The following DAB1 variants were observed in gnomAD, a reference collection of about 807,000 sequenced individuals.
The protein encoded by DAB1 is disabled homolog 1.
A neutral mutation model predicts 64.6 loss-of-function variants in DAB1; 15 were observed. The observed-to-expected ratio is 0.23, with a 90% confidence interval of 0.16 to 0.36. The LOEUF (loss-of-function observed/expected upper bound fraction) is 0.36. DAB1 is among the 10% of genes least tolerant of loss of function. The pLI is 1.00. For missense variants in DAB1, 596 were observed against 706.7 expected (o/e 0.84, Z 1.78); for synonymous variants, 235 against 251.9 (o/e 0.93, Z 0.64).
At chr1:57,636,109 A>G (rs1009455331) in intron 7 of DAB1, among the ~76,000 whole-genome samples, 4 of 148,538 alleles carry the variant, frequency 2.7e-5, no homozygotes, top group African/African-American at 1.0e-4. Context: ...AAAAAAAAAA[A>G]AAAACAAAAA....
At chr1:57,304,952 A>T (rs997601100) in intron 1 of DAB1, among the ~76,000 whole-genome samples, 6 of 152,216 alleles carry the variant, frequency 3.9e-5, no homozygotes, top group African/African-American at 1.4e-4. Flanking sequence ...GTGAAAAACA[A>T]GCTATAAGCA....
At chr1:57,675,740 T>A (rs149954669) in intron 6 of DAB1, among the ~76,000 whole-genome samples, 28 of 152,358 alleles carry the variant, frequency 1.8e-4, no homozygotes, top group Middle Eastern at 6.8e-3. Flanking sequence ...ATAAACTGAA[T>A]ATAGTTCATT....
At chr1:58,482,325 G>A (rs140560546) in intron 3 of DAB1, among the ~76,000 whole-genome samples, 150 of 152,264 alleles carry the variant, frequency 9.9e-4, no homozygotes, top group Non-Finnish European at 1.8e-3. Flanking sequence ...TAAAAGAATC[G>A]TCCAATAGAA....
chr1:57,206,701 CTG>C (rs2100303306), intron 2 of DAB1, among the ~76,000 whole-genome samples: 1 of 152,228 alleles, frequency 6.6e-6, no homozygotes, highest in African/African-American at 2.4e-5. Flanking sequence ...GGTTCTTTTG[CTG>C]GCCAGTGTCT....
intron 6 of DAB1, among the ~76,000 whole-genome samples, chr1:57,792,963 G>A (rs767945202): frequency 5.9e-5 from 9 of 152,094 alleles, no homozygotes; most frequent in African/African-American, 1.4e-4. Flanking sequence ...ACATTGTTAC[G>A]CATGATTTTA....
intron 4 of DAB1, among the ~76,000 whole-genome samples, chr1:58,202,092 A>G (rs1043679367): frequency 2.6e-5 from 4 of 152,222 alleles, no homozygotes; most frequent in South Asian, 2.1e-4. Context: ...GTTAATAAAC[A>G]TAAGAACCTA....
At chr1:57,989,277 G>A (rs1268018225) in intron 5 of DAB1, among the ~76,000 whole-genome samples, 1 of 152,036 alleles carries the variant, frequency 6.6e-6, no homozygotes, top group Non-Finnish European at 1.5e-5. Context: ...CCACACCCTG[G>A]TGATACTCAC....
chr1:57,366,472 G>T (rs1203796337), intron 1 of DAB1, among the ~76,000 whole-genome samples: 1 of 152,182 alleles, frequency 6.6e-6, no homozygotes, highest in Non-Finnish European at 1.5e-5. Flanking sequence ...GAGATGGAAG[G>T]GTTGGTTGTT....
intron 3 of DAB1, among the ~76,000 whole-genome samples, chr1:58,377,923 ATTCAT>A (rs1644345117): frequency 7.1e-6 from 1 of 141,534 alleles, no homozygotes; most frequent in South Asian, 2.3e-4. Context: ...GCTTCATTTC[ATTCAT>A]TTCATCTTCC....
chr1:57,400,466 G>A (rs1269537750), intron 1 of DAB1, among the ~76,000 whole-genome samples: 2 of 151,644 alleles, frequency 1.3e-5, no homozygotes, highest in East Asian at 1.9e-4. Flanking sequence ...CAAAGTAGAT[G>A]GTTCTTTCCA....
intron 4 of DAB1, among the ~76,000 whole-genome samples, chr1:57,075,049 C>G (rs969944644): frequency 6.6e-6 from 1 of 152,156 alleles, no homozygotes; most frequent in African/African-American, 2.4e-5. Flanking sequence ...TCTTCTCTTC[C>G]TTTCCTAAAA....
intron 7 of DAB1, among the ~76,000 whole-genome samples, chr1:57,606,793 T>TAGAGAG (rs760672200): frequency 9.1e-4 from 22 of 24,224 alleles, no homozygotes; most frequent in Admixed American, 3.1e-3. Flanking sequence ...TACATATATA[T>TAGAGAG]ATAGAGAGAG....
At chr1:58,167,501 G>A (rs1032999379) in intron 4 of DAB1, among the ~76,000 whole-genome samples, 1 of 152,228 alleles carries the variant, frequency 6.6e-6, no homozygotes, top group Non-Finnish European at 1.5e-5. Context: ...TCTGTAAAAT[G>A]GATCAATCAG....
At chr1:57,489,036 T>C (rs754065266) in intron 7 of DAB1, among the ~76,000 whole-genome samples, 4 of 152,214 alleles carry the variant, frequency 2.6e-5, no homozygotes, top group Non-Finnish European at 4.4e-5. Flanking sequence ...ATCCCAGCTC[T>C]CCCATTATTT....
At chr1:57,517,329 C>T (rs1468190876) in intron 7 of DAB1, among the ~76,000 whole-genome samples, 1 of 151,764 alleles carries the variant, frequency 6.6e-6, no homozygotes, top group African/African-American at 2.4e-5. Flanking sequence ...TAATGCACTT[C>T]GTAGTTTGCA....
At chr1:57,802,371 A>G (rs1240225512) in intron 6 of DAB1, among the ~76,000 whole-genome samples, 2 of 152,152 alleles carry the variant, frequency 1.3e-5, no homozygotes, top group African/African-American at 4.8e-5. Flanking sequence ...CTGGAGGAAG[A>G]TGCAGAGACA....
chr1:58,447,857 C>CAAAA (rs67071278), intron 3 of DAB1, among the ~76,000 whole-genome samples: 1,639 of 43,804 alleles, frequency 0.037, 42 homozygotes, highest in African/African-American at 0.078. Context: ...ATGACTTAAA[C>CAAAA]AAAAAAAAAA....
chr1:57,441,940 G>C (rs1245107940), intron 7 of DAB1, among the ~76,000 whole-genome samples: 1 of 152,192 alleles, frequency 6.6e-6, no homozygotes, highest in Non-Finnish European at 1.5e-5. Context: ...AGCCTTGCCA[G>C]CATCTGTTAT....
intron 6 of DAB1, among the ~76,000 whole-genome samples, chr1:57,820,409 G>A (rs1488584606): frequency 6.6e-6 from 1 of 151,846 alleles, no homozygotes; most frequent in Non-Finnish European, 1.5e-5. Context: ...TTAACTTATG[G>A]TGAAAAGCTT....
Sources: gnomAD v4.1 joint callset for allele counts (sites outside exome capture counted in the v4.1 genomes callset) on GRCh38, gnomAD v4.1.1 for gene constraint, MANE v1.5 for transcripts, NCBI Gene and HGNC (gene_info 2026-07-23, HGNC 2026-07-21) for gene names.